FAM117B: variants seen among roughly 807,000 people sequenced by gnomAD.
FAM117B encodes family with sequence similarity 117 member B.
In FAM117B, 22 loss-of-function variants were observed where a neutral mutation model predicts 52.8. The ratio of observed to expected loss-of-function variants is 0.42; its 90% CI spans 0.30 to 0.59. The LOEUF (loss-of-function observed/expected upper bound fraction) is 0.59, where lower values mean the gene tolerates loss of function less well. Ranked by LOEUF, FAM117B falls within the 20% of genes least tolerant of loss-of-function variation. The pLI is 0.22. For synonymous variants in FAM117B, 309 were observed against 324.1 expected, an observed-to-expected ratio of 0.95 and a Z score of 0.50; for missense variants, 678 against 802.6, an observed-to-expected ratio of 0.84 and a Z score of 1.88.
chr2:202,693,697 C>A (rs886996493), intron 1 of FAM117B, among the ~76,000 whole-genome samples: 2 of 152,120 alleles, frequency 1.3e-5, no homozygotes, highest in African/African-American at 4.8e-5. Context: ...TGCCTTTTTT[C>A]ACTGACTTTA....
chr2:202,706,923 G>A (rs915794863), intron 2 of FAM117B, among the ~76,000 whole-genome samples: 1 of 152,042 alleles, frequency 6.6e-6, no homozygotes, highest in East Asian at 1.9e-4. Context: ...GTAAGCCTAG[G>A]AGTCTGAGAA....
chr2:202,680,581 A>G (rs1690448135), intron 1 of FAM117B, among the ~76,000 whole-genome samples: 2 of 152,202 alleles, frequency 1.3e-5, no homozygotes, highest in South Asian at 4.1e-4. Flanking sequence ...AAAGAGAAAA[A>G]AAGTTTTTTA....
chr2:202,747,530 A>G lies in FAM117B; in HGVS notation c.961-8008A>G, dbSNP rs560166632. Among the ~76,000 whole-genome samples, 514 of 152,244 alleles carry G rather than the reference A, an allele frequency of 3.4e-3. 3 individuals carry two copies. The highest frequency in any genetic ancestry group is 0.012 in the African/African-American group (483 of 41,580). The stretch of plus-strand genomic sequence containing the variant: ...ATATATGGAAAAACCTACCCATTCC[A>G]ATTTATCTGTACATAAAATAAGAAC... On this transcript the variant is annotated intron_variant, in intron 4 of 7. Coordinates refer to ENST00000392238, the MANE Select transcript of FAM117B (RefSeq NM_173511.4).
intron 1 of FAM117B, among the ~76,000 whole-genome samples, chr2:202,662,595 C>A (rs182569355): frequency 2.0e-5 from 3 of 152,288 alleles, no homozygotes; most frequent in African/African-American, 7.2e-5. Context: ...GTAATCCCAG[C>A]ACTTTGGGTG....
rs1164747390 is a variant in FAM117B, at chr2:202,635,698, C to A, written c.511C>A (p.Pro171Thr). The stretch of plus-strand genomic sequence containing the variant: ...CGGCGAGGTGAGCGCGGCCCCACCC[C>A]CAGCCCGCGTCCGGCATCGGAGGAG... The part of the protein sequence containing the change: ...WTGEVSAAPP[P>T]ARVRHRRRSP... Residue 171 changes from proline to threonine, a missense_variant, in exon 1 of 8, where the codon CCA (proline) becomes ACA (threonine). Physicochemically the swap from Pro to Thr is conservative, Grantham distance 38. Around this residue, in one of 3 missense-constraint regions of FAM117B, gnomAD observed 583 missense variants for 644.8 expected, o/e 0.90. Coordinates refer to ENST00000392238, the MANE Select transcript of FAM117B (RefSeq NM_173511.4). The A allele has an allele frequency of 7.0e-7, 1 of 1,430,336 alleles. No homozygotes were observed. Among genetic ancestry groups the A allele is most frequent in the Non-Finnish European group, 9.1e-7 (1 of 1,093,322 alleles). The allele number at this position is 1,430,336 out of a possible 1,614,324, so 88.6% of individuals were successfully genotyped here. A position where few individuals can be genotyped will look rare whatever the true frequency, so the allele number is the denominator to read the frequency against.
chr2:202,703,795 G>T (rs185906787), intron 2 of FAM117B, among the ~76,000 whole-genome samples: 1 of 152,170 alleles, frequency 6.6e-6, no homozygotes, highest in African/African-American at 2.4e-5. Context: ...GCAAGTATCT[G>T]TGTGAATCCC....
intron 1 of FAM117B, among the ~76,000 whole-genome samples, chr2:202,666,762 G>A (rs536871526): frequency 3.4e-5 from 5 of 147,502 alleles, no homozygotes; most frequent in South Asian, 2.2e-4. Flanking sequence ...TCTGCCTCCC[G>A]GGTTCAAGTG....
intron 6 of FAM117B, among the ~76,000 whole-genome samples, chr2:202,758,767 G>T (rs1478938702): frequency 6.6e-6 from 1 of 152,030 alleles, no homozygotes; most frequent in East Asian, 1.9e-4. Context: ...TTTAGGTAAG[G>T]GGAAATTCAT....
rs552114255 is a variant in FAM117B, at chr2:202,748,830, G to A, written c.961-6708G>A. ...AAAGACAAAAATTAACATATCAAAG[G>A]GATACCCTGCGCTCACATGTTTATC... On this transcript the variant is annotated intron_variant, in intron 4 of 7. Transcript: ENST00000392238. 3.3e-5 allele frequency among the ~76,000 whole-genome samples: 5 copies of A among 151,922 alleles called. No individual in the cohort carries two copies. In the South Asian group the frequency reaches 1.0e-3, roughly 32 times the overall value.
chr2:202,703,441 C>T (rs1465117518), intron 2 of FAM117B, among the ~76,000 whole-genome samples: 1 of 152,190 alleles, frequency 6.6e-6, no homozygotes, highest in Non-Finnish European at 1.5e-5. Context: ...CAGCCTCGAC[C>T]TCCTGGGTTC....
intron 4 of FAM117B, 112 bp downstream of exon 4, chr2:202,726,475 C>G (rs759833305): frequency 2.2e-4 from 157 of 720,466 alleles, no homozygotes; most frequent in Non-Finnish European, 3.3e-4. Flanking sequence ...ATATTTGAAA[C>G]AGTGATTTAA....
intron 1 of FAM117B, among the ~76,000 whole-genome samples, chr2:202,654,786 G>A (rs559626804): frequency 6.6e-6 from 1 of 151,550 alleles, no homozygotes; most frequent in East Asian, 1.9e-4. Flanking sequence ...AAGAAAATAT[G>A]GTATAATGTG....
At chr2:202,668,527 CAAAAAAAAAA>C (rs373784165) in intron 1 of FAM117B, among the ~76,000 whole-genome samples, 3 of 71,686 alleles carry the variant, frequency 4.2e-5, no homozygotes, top group African/African-American at 1.0e-4. Flanking sequence ...GACTCTCTCT[CAAAAAAAAAA>C]AAAAAAAAAG....
At chr2:202,747,301 A>G (rs1256770852) in intron 4 of FAM117B, among the ~76,000 whole-genome samples, 1 of 152,204 alleles carries the variant, frequency 6.6e-6, no homozygotes, top group Non-Finnish European at 1.5e-5. Context: ...GCAATAGGTG[A>G]CAAACCCACA....
chr2:202,766,983 T>A lies in FAM117B; in HGVS notation c.*1219T>A, dbSNP rs1330236562. On this transcript the variant is annotated 3_prime_UTR_variant, in exon 8 of 8. Coordinates refer to ENST00000392238, the MANE Select transcript of FAM117B (RefSeq NM_173511.4). ...TACAGATTTTGCTAATTTACCCCCCTAACGCTTCACATAGTGGGGAAAATA... is the reference window on the plus strand; with the variant it reads ...TACAGATTTTGCTAATTTACCCCCCAAACGCTTCACATAGTGGGGAAAATA... The A allele has an allele frequency of 6.6e-6, 1 of 152,540 alleles. No homozygotes were observed. Among genetic ancestry groups the A allele is most frequent in the African/African-American group, 2.4e-5 (1 of 41,402 alleles). 9.4% of individuals were successfully genotyped at this position (152,540 alleles called of 1,614,324 possible). A position where few individuals can be genotyped will look rare whatever the true frequency, so the allele number is the denominator to read the frequency against.
At chr2:202,741,520 T>C (rs748778535) in intron 4 of FAM117B, among the ~76,000 whole-genome samples, 2 of 142,156 alleles carry the variant, frequency 1.4e-5, no homozygotes, top group Non-Finnish European at 1.5e-5. Context: ...CCTCCGAGAA[T>C]CAATAAAACC....
Position 202,768,586 on chromosome 2 carries a change from G to A in FAM117B, c.*2822G>A, listed in dbSNP as rs1016961297. 3.9e-5 allele frequency: 6 copies of A among 152,220 alleles called. No individual in the cohort carries two copies. Among genetic ancestry groups the A allele is most frequent in the Non-Finnish European group, 7.4e-5 (5 of 67,942 alleles). The allele number at this position is 152,220 out of a possible 1,614,324, so 9.4% of individuals were successfully genotyped here. A position where few individuals can be genotyped will look rare whatever the true frequency, so the allele number is the denominator to read the frequency against. On this transcript the variant is annotated 3_prime_UTR_variant, in exon 8 of 8. Transcript: ENST00000392238. ...ATATTAACCATAGGTTCATTCAGCT[G>A]TTTTATTTAACCCTTAGTTCCCTGG...
chr2:202,752,051 A>G (rs1691732979), intron 4 of FAM117B, among the ~76,000 whole-genome samples: 1 of 152,084 alleles, frequency 6.6e-6, no homozygotes, highest in African/African-American at 2.4e-5. Context: ...AGGGACTTAT[A>G]AAAAGGGAAA....
At chr2:202,665,660 G>A (rs1478921385) in intron 1 of FAM117B, among the ~76,000 whole-genome samples, 2 of 152,152 alleles carry the variant, frequency 1.3e-5, no homozygotes, top group East Asian at 3.9e-4. Flanking sequence ...GAGTGCAGTG[G>A]TGCAATCTCG....
Sources: gnomAD v4.1 joint callset for allele counts (sites outside exome capture counted in the v4.1 genomes callset) on GRCh38, gnomAD v4.1.1 for gene constraint, gnomAD v4.1.1 regional missense constraint, MANE v1.5 for transcripts, NCBI Gene and HGNC (gene_info 2026-07-23, HGNC 2026-07-21) for gene names.